NXPE4: variants seen among roughly 807,000 people sequenced by gnomAD.
NXPE4 encodes neurexophilin and PC-esterase domain family member 4, also known as NXPE family member 4.
In NXPE4, 42 loss-of-function variants were observed where a neutral mutation model predicts 33.3. That is an observed-to-expected ratio of 1.26 (90% confidence interval 0.98 to 1.63). The LOEUF is 1.63. Ranked by LOEUF, NXPE4 falls within the 40% of genes most tolerant of loss-of-function variation. The pLI is 0.00. For synonymous variants in NXPE4, 253 were observed against 234.9 expected, an observed-to-expected ratio of 1.08 and a Z score of -0.71; for missense variants, 709 against 647.6, an observed-to-expected ratio of 1.09 and a Z score of -1.03.
chr11:114,580,463 A>AT, intron 4 of NXPE4, 125 bp from the exon 5 acceptor site: 1 of 721,452 alleles, frequency 1.4e-6, no homozygotes, highest in Non-Finnish European at 2.3e-6. Flanking sequence ...TGGAAAAAGT[A>AT]TTACTGAAGT....
chr11:114,632,598 T>C, the NXPE4 span, among the ~76,000 whole-genome samples: 1 of 105,606 alleles, frequency 9.5e-6, no homozygotes, highest in Non-Finnish European at 1.7e-5. Flanking sequence ...TATATTGATG[T>C]ATATATTTAT....
chr11:114,663,629 C>T, the NXPE4 span, among the ~76,000 whole-genome samples: 1,032 of 99,936 alleles, frequency 0.01, 15 homozygotes, highest in African/African-American at 0.033. Context: ...ATCTATCTAT[C>T]TATCTATCAT....
Position 114,594,772 on chromosome 11 carries a change from A to T in NXPE4, c.-10-3T>A, listed in dbSNP as rs772401550. 7.6e-7 allele frequency: 1 copy of T among 1,322,960 alleles called. No homozygotes were observed. Among genetic ancestry groups the T allele is most frequent in the Admixed American group, 2.0e-5 (1 of 49,156 alleles). 82.0% of individuals were successfully genotyped at this position (1,322,960 alleles called of 1,614,324 possible). A position where few individuals can be genotyped will look rare whatever the true frequency, so the allele number is the denominator to read the frequency against. ...TACTTATTTTCATGATTAGGATCCTACAAGAGACAATACAAAAACAAGCAC... is the reference window on the plus strand; with the variant it reads ...TACTTATTTTCATGATTAGGATCCTTCAAGAGACAATACAAAAACAAGCAC... On this transcript the variant is annotated splice_polypyrimidine_tract_variant and splice_region_variant and intron_variant, in intron 1 of 5. Transcript: ENST00000375478.
At chr11:114,639,744 TATA>T in the NXPE4 span, among the ~76,000 whole-genome samples, 5 of 128,606 alleles carry the variant, frequency 3.9e-5, no homozygotes, top group Non-Finnish European at 6.3e-5. Context: ...TAAAATAATA[TATA>T]ATATATATTA....
At chr11:114,646,427 A>T in the NXPE4 span, among the ~76,000 whole-genome samples, 4 of 151,982 alleles carry the variant, frequency 2.6e-5, no homozygotes, top group African/African-American at 9.6e-5. Flanking sequence ...ATATTTATAA[A>T]TTTTTCTGTT....
At position 114,582,272 on chromosome 11, in the gene NXPE4, A is replaced by G. The variant is rs770477263; in HGVS notation, c.830+16T>C. On this transcript the variant is annotated intron_variant, in intron 3 of 5. Transcript: ENST00000375478. The stretch of plus-strand genomic sequence containing the variant: ...CAATATTTGCACAGGTAGTCTCAAG[A>G]AGTAATTATTTTTACCTTTCAAAGA... 1.5e-5 allele frequency: 23 copies of G among 1,543,808 alleles called. No individual in the cohort carries two copies. The highest frequency in any genetic ancestry group is 2.6e-5 in the South Asian group (2 of 77,940).
intron 5 of NXPE4, among the ~76,000 whole-genome samples, chr11:114,572,744 T>C (rs1948919078): frequency 6.6e-6 from 1 of 152,110 alleles, no homozygotes; most frequent in African/African-American, 2.4e-5. Context: ...GAATAATTGG[T>C]ATTCCCAAGG....
the NXPE4 span, among the ~76,000 whole-genome samples, chr11:114,633,615 T>C: frequency 2.5e-4 from 34 of 136,540 alleles, no homozygotes; most frequent in African/African-American, 2.5e-4. Flanking sequence ...CCTCCCACCC[T>C]GCCCCCAGCC....
At chr11:114,625,856 C>T in the NXPE4 span, among the ~76,000 whole-genome samples, 1 of 152,132 alleles carries the variant, frequency 6.6e-6, no homozygotes, top group African/African-American at 2.4e-5. Flanking sequence ...GGCATTGCCT[C>T]ACTCGGGAAG....
the NXPE4 span, among the ~76,000 whole-genome samples, chr11:114,614,169 C>T: frequency 6.7e-6 from 1 of 150,064 alleles, no homozygotes; most frequent in Non-Finnish European, 1.5e-5. Context: ...CCAACTCTTA[C>T]CCTGTAATAA....
chr11:114,615,824 C>A, the NXPE4 span, among the ~76,000 whole-genome samples: 1 of 151,632 alleles, frequency 6.6e-6, no homozygotes, highest in South Asian at 2.1e-4. Flanking sequence ...TGGGTAACCA[C>A]TGTTACCCTG....
the NXPE4 span, among the ~76,000 whole-genome samples, chr11:114,623,817 G>A: frequency 3.3e-5 from 5 of 152,246 alleles, no homozygotes; most frequent in Non-Finnish European, 7.4e-5. Flanking sequence ...ATTGCCTCGT[G>A]GGTAACCACT....
chr11:114,645,524 G>C, the NXPE4 span, among the ~76,000 whole-genome samples: 2 of 152,072 alleles, frequency 1.3e-5, no homozygotes, highest in Non-Finnish European at 2.9e-5. Flanking sequence ...AGAAAATGTT[G>C]ATAAATTTAA....
the NXPE4 span, among the ~76,000 whole-genome samples, chr11:114,618,454 A>G: frequency 1.3e-5 from 2 of 151,006 alleles, no homozygotes; most frequent in Non-Finnish European, 3.0e-5. Flanking sequence ...GTATTGCCTC[A>G]TGGGTAACCA....
the NXPE4 span, among the ~76,000 whole-genome samples, chr11:114,609,605 C>T: frequency 1.3e-3 from 190 of 151,726 alleles, no homozygotes; most frequent in African/African-American, 4.3e-3. Context: ...AGTGTTGCCT[C>T]GTGGGTAGGC....
At chr11:114,647,000 A>G in the NXPE4 span, among the ~76,000 whole-genome samples, 1 of 152,210 alleles carries the variant, frequency 6.6e-6, no homozygotes, top group Non-Finnish European at 1.5e-5. Context: ...GAGAAGAGAC[A>G]CTGACGGCAC....
chr11:114,664,179 T>C, the NXPE4 span, among the ~76,000 whole-genome samples: 1 of 152,210 alleles, frequency 6.6e-6, no homozygotes, highest in Non-Finnish European at 1.5e-5. Flanking sequence ...CTGAATGCTG[T>C]AATTCAGTGG....
chr11:114,593,078 A>C (rs1475517600), intron 2 of NXPE4, among the ~76,000 whole-genome samples: 1 of 152,172 alleles, frequency 6.6e-6, no homozygotes, highest in Admixed American at 6.6e-5. Context: ...AAATACTAGA[A>C]GAAAACCTAG....
chr11:114,637,936 T>C, the NXPE4 span, among the ~76,000 whole-genome samples: 1 of 151,906 alleles, frequency 6.6e-6, no homozygotes, highest in Non-Finnish European at 1.5e-5. Context: ...CTGACAATTA[T>C]GTGTCTTGGA....
Sources: gnomAD v4.1 joint callset for allele counts (sites outside exome capture counted in the v4.1 genomes callset) on GRCh38, gnomAD v4.1.1 for gene constraint, MANE v1.5 for transcripts, NCBI Gene and HGNC (gene_info 2026-07-23, HGNC 2026-07-21) for gene names.